The following ADK variants were observed in gnomAD, a reference collection of about 807,000 sequenced individuals.
ADK encodes the protein N6,N6-dimethyladenosine kinase.
ADK carries 24 observed loss-of-function variants against 44.7 expected under a neutral mutation model. That is an observed-to-expected ratio of 0.54 (90% CI 0.39 to 0.76). ADK has a LOEUF of 0.76. Among genes scored for constraint, ADK ranks in the 30% least tolerant of loss-of-function variants. The probability of loss-of-function intolerance (pLI) is 0.00; values close to 1 mark genes in which losing one functional copy is unlikely to be tolerated. For synonymous variants in ADK, 128 were observed against 142.6 expected, an observed-to-expected ratio of 0.90 and a Z score of 0.73; for missense variants, 321 against 425.1, an observed-to-expected ratio of 0.76 and a Z score of 2.15.
chr10:74,568,746 G>A (rs902413438), intron 7 of ADK, among the ~76,000 whole-genome samples: 2 of 150,326 alleles, frequency 1.3e-5, no homozygotes, highest in Non-Finnish European at 3.0e-5. Flanking sequence ...TTATAATTCT[G>A]TATAATAGTT....
At chr10:74,315,484 GAGTT>G (rs986474271) in intron 4 of ADK, among the ~76,000 whole-genome samples, 2 of 152,144 alleles carry the variant, frequency 1.3e-5, no homozygotes, top group Non-Finnish European at 1.5e-5. Context: ...TTGATTGAGA[GAGTT>G]AGTGATCTGT....
intron 10 of ADK, among the ~76,000 whole-genome samples, chr10:74,682,940 T>G (rs931087071): frequency 3.9e-5 from 6 of 152,208 alleles, no homozygotes; most frequent in African/African-American, 1.4e-4. Context: ...GCTTTTTCAG[T>G]TATTTCAAAA....
At chr10:74,393,277 G>C (rs1843399521) in intron 4 of ADK, among the ~76,000 whole-genome samples, 1 of 152,070 alleles carries the variant, frequency 6.6e-6, no homozygotes, top group Admixed American at 6.6e-5. Context: ...GTAAGTCTTT[G>C]AAACTAAACA....
chr10:74,249,935 TTATACTC>T (rs1845584721), intron 3 of ADK, among the ~76,000 whole-genome samples: 1 of 152,214 alleles, frequency 6.6e-6, no homozygotes, highest in African/African-American at 2.4e-5. Flanking sequence ...CACTCATAGT[TTATACTC>T]TAATAGAGAA....
At chr10:74,200,584 A>T (rs1843342696) in intron 1 of ADK, among the ~76,000 whole-genome samples, 180 bp from the exon 2 acceptor site, 1 of 152,034 alleles carries the variant, frequency 6.6e-6, no homozygotes, top group South Asian at 2.1e-4. Flanking sequence ...TTTTTTTCTA[A>T]ATGTCTTTAT....
intron 1 of ADK, among the ~76,000 whole-genome samples, chr10:74,185,995 G>A (rs946747537): frequency 1.3e-5 from 2 of 151,492 alleles, no homozygotes; most frequent in Non-Finnish European, 2.9e-5. Context: ...TTACAGGTGC[G>A]CCCCACCGTG....
chr10:74,485,462 AAAATAAAT>A (rs200618866), intron 6 of ADK, among the ~76,000 whole-genome samples: 2,796 of 144,002 alleles, frequency 0.019, 29 homozygotes, highest in Middle Eastern at 0.025. Flanking sequence ...ACCCTGTCTC[AAAATAAAT>A]AAATAAATAA....
At chr10:74,225,860 T>C (rs1844514560) in intron 3 of ADK, among the ~76,000 whole-genome samples, 1 of 152,156 alleles carries the variant, frequency 6.6e-6, no homozygotes, top group Non-Finnish European at 1.5e-5. Flanking sequence ...ATTGGTTGGT[T>C]ATTATTTATA....
intron 2 of ADK, among the ~76,000 whole-genome samples, chr10:74,217,771 T>A (rs1462078859): frequency 6.6e-6 from 1 of 152,060 alleles, no homozygotes; most frequent in Non-Finnish European, 1.5e-5. Context: ...GGGTCTGGAG[T>A]GGACCTCTAG....
chr10:74,488,630 A>ATTTTTCTCTTC, intron 6 of ADK, among the ~76,000 whole-genome samples: 1 of 150,136 alleles, frequency 6.7e-6, no homozygotes, highest in East Asian at 1.9e-4. Flanking sequence ...AGATAGCAGG[A>ATTTTTCTCTTC]TTAAAGAAAA....
intron 9 of ADK, among the ~76,000 whole-genome samples, chr10:74,647,115 C>T (rs76139144): frequency 0.022 from 3,346 of 150,460 alleles, 57 homozygotes; most frequent in South Asian, 0.077. Flanking sequence ...AAAAAAAAAA[C>T]TCTAGAGTTA....
chr10:74,263,767 C>T (rs890605642), intron 3 of ADK, among the ~76,000 whole-genome samples: 10 of 152,200 alleles, frequency 6.6e-5, no homozygotes, highest in Non-Finnish European at 1.3e-4. Context: ...ACATATTTTA[C>T]AGTGCCTCTC....
At chr10:74,690,186 A>G (rs1215595011) in intron 10 of ADK, among the ~76,000 whole-genome samples, 1 of 152,178 alleles carries the variant, frequency 6.6e-6, no homozygotes, top group Non-Finnish European at 1.5e-5. Flanking sequence ...TTGGCTCTCT[A>G]TTTATTATAG....
At chr10:74,464,734 A>G (rs1846291402) in intron 6 of ADK, among the ~76,000 whole-genome samples, 2 of 152,136 alleles carry the variant, frequency 1.3e-5, no homozygotes, top group Non-Finnish European at 2.9e-5. Context: ...TGTAATCCCA[A>G]CATTTTTGGA....
chr10:74,295,339 G>A (rs1453941625), intron 3 of ADK, among the ~76,000 whole-genome samples: 1 of 150,586 alleles, frequency 6.6e-6, no homozygotes, highest in Non-Finnish European at 1.5e-5. Context: ...GCACGTGCTT[G>A]TAATCCCAGC....
chr10:74,492,627 C>T (rs967967049), intron 6 of ADK, among the ~76,000 whole-genome samples: 1 of 152,108 alleles, frequency 6.6e-6, no homozygotes, highest in Non-Finnish European at 1.5e-5. Flanking sequence ...AATGATGTGA[C>T]GTTAACACAT....
intron 4 of ADK, among the ~76,000 whole-genome samples, chr10:74,373,291 A>G (rs1013354711): frequency 6.6e-6 from 1 of 152,180 alleles, no homozygotes; most frequent in African/African-American, 2.4e-5. Context: ...GGTCACCAAA[A>G]GCATGAGCAA....
intron 4 of ADK, chr10:74,372,358 C>G: frequency 1.3e-6 from 1 of 742,726 alleles, no homozygotes; most frequent in East Asian, 2.5e-5. Flanking sequence ...GAAGGCTGGT[C>G]CACAGCTCCC....
chr10:74,231,578 C>T (rs1045903257), intron 3 of ADK, among the ~76,000 whole-genome samples: 1 of 151,890 alleles, frequency 6.6e-6, no homozygotes, highest in Admixed American at 6.6e-5. Flanking sequence ...AGCAATCCTC[C>T]CATCAGCCTC....
Sources: gnomAD v4.1 joint callset for allele counts (sites outside exome capture counted in the v4.1 genomes callset) on GRCh38, gnomAD v4.1.1 for gene constraint, MANE v1.5 for transcripts, NCBI Gene and HGNC (gene_info 2026-07-23, HGNC 2026-07-21) for gene names.